The following BMP1 variants were observed in gnomAD, a reference collection of about 807,000 sequenced individuals.
BMP1 encodes the protein bone morphogenetic protein 1, also known as mammalian tolloid protein.
Under a neutral mutation model 116.8 loss-of-function variants are expected in BMP1, and 63 were observed. The observed-to-expected ratio is 0.54, with a 90% CI of 0.44 to 0.67. BMP1 has a LOEUF of 0.67. Ranked by LOEUF, BMP1 falls within the 30% of genes least tolerant of loss-of-function variation. The pLI is 0.00. For synonymous variants in BMP1, 536 were observed against 533.4 expected (o/e 1.00, Z -0.07); for missense variants, 1,183 against 1,358.9 (o/e 0.87, Z 2.04).
At chr8:22,165,882 C>CGTGCGTGTGTGT (rs1016666673) in intron 1 of BMP1, among the ~76,000 whole-genome samples, 89 of 131,418 alleles carry the variant, frequency 6.8e-4, no homozygotes, top group East Asian at 2.1e-3. Context: ...CCTGTGCGTG[C>CGTGCGTGTGTGT]GTGTGTGTGT....
intron 15 of BMP1, 68 bp downstream of exon 15, chr8:22,197,488 C>A: frequency 6.6e-7 from 1 of 1,523,540 alleles, no homozygotes. Flanking sequence ...TTCTCCCTGC[C>A]CCTGCACCCC....
chr8:22,207,521 T>A lies in BMP1; in HGVS notation c.2575+5T>A. The A allele has an allele frequency of 6.2e-7, 1 of 1,611,998 alleles. No homozygotes were observed. Among genetic ancestry groups the A allele is most frequent in the Non-Finnish European group, 8.5e-7 (1 of 1,179,224 alleles). On this transcript the variant is annotated splice_donor_5th_base_variant and intron_variant, in intron 18 of 19. Coordinates refer to ENST00000306385, the MANE Select transcript of BMP1 (RefSeq NM_006129.5). The stretch of plus-strand genomic sequence containing the variant: ...TCCAGGCCTCCCACGCCACAGGTAC[T>A]GTCCCCGGTTGTGGGAGTGTTCACT...
At chr8:22,201,554 G>T (rs1384229550) in intron 15 of BMP1, 2 of 1,414,764 alleles carry the variant, frequency 1.4e-6, no homozygotes, top group Admixed American at 5.9e-5. Flanking sequence ...GACCCATGCT[G>T]GTCCGCTCGG....
chr8:22,182,174 A>G lies in BMP1; in HGVS notation c.1077+1691A>G, dbSNP rs1828641016. Reference sequence around the variant, plus strand: ...TGAGCTGGATTCAATTCTATTATTGATTGCATTGTTCATTTCGACATCTCA... The same window carrying G: ...TGAGCTGGATTCAATTCTATTATTGGTTGCATTGTTCATTTCGACATCTCA... On this transcript the variant is annotated intron_variant, in intron 8 of 19. Transcript: ENST00000306385. Among the ~76,000 whole-genome samples the G allele has an allele frequency of 3.3e-5, 5 of 152,282 alleles. 1 individual carries two copies. In the South Asian group the frequency reaches 1.0e-3, roughly 32 times the overall value.
intron 1 of BMP1, among the ~76,000 whole-genome samples, chr8:22,167,484 G>A (rs1466001039): frequency 2.0e-5 from 3 of 152,150 alleles, no homozygotes; most frequent in African/African-American, 4.8e-5. Context: ...TGGAGGAGGT[G>A]GGGCTGGGGC....
At chr8:22,174,978 G>A (rs1828391072) in intron 2 of BMP1, among the ~76,000 whole-genome samples, 1 of 152,168 alleles carries the variant, frequency 6.6e-6, no homozygotes, top group South Asian at 2.1e-4. Flanking sequence ...ACTGTGGTGT[G>A]CCTGAAGTTG....
chr8:22,199,493 A>C, intron 15 of BMP1: 1 of 1,082,772 alleles, frequency 9.2e-7, no homozygotes, highest in Non-Finnish European at 1.2e-6. Flanking sequence ...CCTGCCCCGG[A>C]CACTGAAGCA....
At chr8:22,192,326 G>A (rs780127226) in intron 9 of BMP1, 175 bp downstream of exon 9, 65 of 565,336 alleles carry the variant, frequency 1.1e-4, no homozygotes, top group Non-Finnish European at 1.8e-4. Context: ...CACTTGCTGC[G>A]AGACTTCAGG....
Position 22,207,588 on chromosome 8 carries a change from T to C in BMP1, c.2575+72T>C, listed in dbSNP as rs1359142832. The stretch of plus-strand genomic sequence containing the variant: ...ACTGGGGTAGAGTCGGGGGTTTCAA[T>C]GCGGGTATGAAGGTACAGAGGGACT... On this transcript the variant is annotated intron_variant, in intron 18 of 19. Coordinates refer to ENST00000306385, the MANE Select transcript of BMP1 (RefSeq NM_006129.5). 4.5e-6 allele frequency: 7 copies of C among 1,539,200 alleles called. No individual in the cohort carries two copies. In the East Asian group the frequency reaches 1.4e-4, roughly 30 times the overall value.
intron 8 of BMP1, among the ~76,000 whole-genome samples, chr8:22,186,866 C>T (rs1055544449): frequency 6.6e-6 from 1 of 152,226 alleles, no homozygotes; most frequent in African/African-American, 2.4e-5. Context: ...AAACCGTCTC[C>T]TCCTCATAAA....
intron 8 of BMP1, 41 bp from the exon 9 acceptor site, chr8:22,192,008 G>T: frequency 1.3e-6 from 2 of 1,553,516 alleles, no homozygotes; most frequent in South Asian, 2.2e-5. Context: ...CTGGTGCAAT[G>T]TTCGGGACAG....
At chr8:22,182,551 T>C (rs1363891584) in intron 8 of BMP1, among the ~76,000 whole-genome samples, 2 of 152,210 alleles carry the variant, frequency 1.3e-5, no homozygotes, top group Non-Finnish European at 2.9e-5. Context: ...ATACGTAAGA[T>C]GCAATGCCTT....
intron 1 of BMP1, 133 bp downstream of exon 1, chr8:22,165,686 A>C: frequency 1.2e-6 from 1 of 818,250 alleles, no homozygotes. Flanking sequence ...GGGGAACAAA[A>C]GAACGAGGGG....
chr8:22,196,529 C>A (rs1829096180), intron 13 of BMP1, 151 bp from the exon 14 acceptor site: 2 of 1,195,272 alleles, frequency 1.7e-6, no homozygotes, highest in African/African-American at 1.5e-5. Flanking sequence ...TGCCTCCTCC[C>A]GTCCGCCCCA....
chr8:22,207,006 T>C, intron 17 of BMP1, 25 bp downstream of exon 17: 1 of 1,613,088 alleles, frequency 6.2e-7, no homozygotes, highest in Non-Finnish European at 8.5e-7. Flanking sequence ...CCCCACTCCT[T>C]ATGCGGTGTG....
intron 5 of BMP1, 78 bp from the exon 6 acceptor site, chr8:22,177,774 G>A (rs776634080): frequency 9.1e-7 from 1 of 1,101,944 alleles, no homozygotes; most frequent in Non-Finnish European, 1.4e-6. Context: ...TCCATTCCCT[G>A]CCCTGGAAAG....
chr8:22,205,203 G>T (rs1406432957), intron 16 of BMP1, among the ~76,000 whole-genome samples: 1 of 152,172 alleles, frequency 6.6e-6, no homozygotes, highest in African/African-American at 2.4e-5. Context: ...TGACACAGTG[G>T]CTTGAGGAGG....
chr8:22,176,973 C>T lies in BMP1; in HGVS notation c.564C>T (p.Tyr188=), dbSNP rs760183746. The part of the protein sequence containing the change: ...FTYRPCGCCS[Y]VGRRGGGPQA... ...CCCCGCCCTCCAGGTGCTGCTCCTACGTGGGTCGCCGCGGCGGGGGCCCCC... is the reference window on the plus strand; with the variant it reads ...CCCCGCCCTCCAGGTGCTGCTCCTATGTGGGTCGCCGCGGCGGGGGCCCCC... Residue 188 remains tyrosine, a synonymous_variant, in exon 5 of 20, where the codon TAC becomes TAT. Coordinates refer to ENST00000306385, the MANE Select transcript of BMP1 (RefSeq NM_006129.5). 23 of 1,610,840 alleles carry T rather than the reference C, an allele frequency of 1.4e-5. No homozygotes were observed. The Admixed American group carries it at 1.5e-4, about 11-fold the overall frequency.
At chr8:22,178,230 TG>T (rs1161102260) in intron 6 of BMP1, among the ~76,000 whole-genome samples, 1 of 152,184 alleles carries the variant, frequency 6.6e-6, no homozygotes, top group Non-Finnish European at 1.5e-5. Context: ...CCCAGCAGTG[TG>T]GGGTAGCCCC....
Sources: gnomAD v4.1 joint callset for allele counts (sites outside exome capture counted in the v4.1 genomes callset) on GRCh38, gnomAD v4.1.1 for gene constraint, MANE v1.5 for transcripts, NCBI Gene and HGNC (gene_info 2026-07-23, HGNC 2026-07-21) for gene names.